The following ZNF24 variants were observed in gnomAD, a reference collection of about 807,000 sequenced individuals.
ZNF24 encodes retinoic acid suppression protein A.
Under a neutral mutation model 40.9 loss-of-function variants are expected in ZNF24, and 11 were observed. The ratio of observed to expected loss-of-function variants is 0.27; its 90% CI spans 0.17 to 0.45. The LOEUF is 0.45. ZNF24 is among the 20% of genes least tolerant of loss of function. The probability of loss-of-function intolerance (pLI) is 1.00; values close to 1 mark genes in which losing one functional copy is unlikely to be tolerated. For synonymous variants in ZNF24, 139 were observed against 154.7 expected (o/e 0.90, Z 0.75); for missense variants, 293 against 437.7 (o/e 0.67, Z 2.95).
At position 35,340,330 on chromosome 18, in the gene ZNF24, C is replaced by T. The variant is rs760192247; in HGVS notation, c.321G>A (p.Glu107=). 6.2e-7 allele frequency: 1 copy of T among 1,614,054 alleles called. No homozygotes were observed. Among genetic ancestry groups the T allele is most frequent in the Admixed American group, 1.7e-5 (1 of 60,008 alleles). The change falls in exon 2 of 4, where the codon GAG becomes GAA. Residue 107 remains glutamate (E), a synonymous_variant. Transcript: ENST00000261332. The surrounding 1 kb of genome is among the most constrained non-coding windows in gnomAD (Gnocchi z 4.6). ...LEQFVAILPK[E]LQTWVRDHHP... ...GATGATCTCGAACCCAAGTCTGTAG[C>T]TCTTTGGGTAGGATGGCAACAAACT...
chr18:35,342,373 T>C (rs2044977662), intron 1 of ZNF24: 1 of 152,006 alleles, frequency 6.6e-6, no homozygotes, highest in Non-Finnish European at 1.5e-5. Context: ...TGAAGAAAAA[T>C]GTTTTCTTAA....
intron 3 of ZNF24, 107 bp from the exon 4 acceptor site, chr18:35,337,877 A>C: frequency 9.9e-6 from 9 of 911,282 alleles, no homozygotes; most frequent in Non-Finnish European, 4.8e-6. Context: ...CACATCTATA[A>C]ACCACTCTGA....
intron 3 of ZNF24, 108 bp downstream of exon 3, chr18:35,339,716 GATATT>G: frequency 1.1e-6 from 1 of 929,924 alleles, no homozygotes. Flanking sequence ...AAAAAACTGA[GATATT>G]AGATTAAGAG....
intron 3 of ZNF24, chr18:35,339,222 GAATT>G (rs1371433434): frequency 5.6e-6 from 3 of 536,228 alleles, no homozygotes; most frequent in Non-Finnish European, 9.6e-6. Context: ...CTGGTCTCGT[GAATT>G]AATACAACTT....
intron 3 of ZNF24, 42 bp downstream of exon 3, chr18:35,339,787 C>G: frequency 6.5e-7 from 1 of 1,534,748 alleles, no homozygotes; most frequent in Non-Finnish European, 8.8e-7. Context: ...AAGGCCTATA[C>G]TCTCTTTCAC....
At chr18:35,341,014 T>G (rs987087730) in intron 1 of ZNF24, among the ~76,000 whole-genome samples, 4 of 152,202 alleles carry the variant, frequency 2.6e-5, no homozygotes, top group Admixed American at 2.6e-4. Context: ...GAATACCTAA[T>G]GATATTTAGG....
Position 35,337,748 on chromosome 18 carries a change from A to C in ZNF24, c.591T>G (p.Asn197Lys). Reference sequence around the variant, plus strand: ...GCTCCTGCTTTGGAGCTAGTGCTCCATTTTCAGTCCTACCATCATCATCTG... The same window carrying C: ...GCTCCTGCTTTGGAGCTAGTGCTCCCTTTTCAGTCCTACCATCATCATCTG... ...RHCDDDGRTE[N>K]GALAPKQELP... Residue 197 changes from asparagine (N) to lysine (K), a missense_variant, in exon 4 of 4, where the codon AAT (asparagine) becomes AAG (lysine). This residue lies in a region of ZNF24 where 234 missense variants were observed against 299.2 expected (regional missense o/e 0.78). Coordinates refer to ENST00000261332, the MANE Select transcript of ZNF24 (RefSeq NM_006965.4). 1.3e-6 allele frequency: 2 copies of C among 1,592,352 alleles called. No individual in the cohort carries two copies. Among genetic ancestry groups the C allele is most frequent in the Non-Finnish European group, 1.7e-6 (2 of 1,171,874 alleles).
chr18:35,343,169 G>A (rs2044984935), intron 1 of ZNF24, among the ~76,000 whole-genome samples: 1 of 152,156 alleles, frequency 6.6e-6, no homozygotes, highest in Non-Finnish European at 1.5e-5. Context: ...AAGATCATAT[G>A]TGAAAAACAT....
chr18:35,340,714 C>T lies in ZNF24; in HGVS notation c.-64G>A, dbSNP rs773694307. On this transcript the variant is annotated 5_prime_UTR_variant, in exon 2 of 4. Transcript: ENST00000261332. This position sits in a 1 kb window ranked among gnomAD's most constrained non-coding sequence, Gnocchi z 4.6. Reference sequence around the variant, plus strand: ...GAATATAAGCCTCAGGGCAATACCCCGTTTTCTTCACAGGCACTCCTGAGG... The same window carrying T: ...GAATATAAGCCTCAGGGCAATACCCTGTTTTCTTCACAGGCACTCCTGAGG... 352 of 1,477,798 alleles carry T rather than the reference C, an allele frequency of 2.4e-4. No homozygotes were observed. The highest frequency in any genetic ancestry group is 2.9e-4 in the Non-Finnish European group (319 of 1,096,676). 91.5% of individuals were successfully genotyped at this position (1,477,798 alleles called of 1,614,324 possible).
chr18:35,338,854 T>C, intron 3 of ZNF24: 27 of 1,340,128 alleles, frequency 2.0e-5, no homozygotes, highest in Non-Finnish European at 2.6e-5. Context: ...TGATGAGAAG[T>C]TGAAAATATC....
At chr18:35,338,454 G>A in intron 3 of ZNF24, 1 of 985,456 alleles carries the variant, frequency 1.0e-6, no homozygotes, top group Non-Finnish European at 1.2e-6. Flanking sequence ...AAGCCTCAGT[G>A]AAACGTGTCC....
In ZNF24 at chr18:35,334,058, C is replaced by A. The variant is rs1026133830; in HGVS notation, c.*3174G>T. ...CAAATAGTGCCTGTCACAGCAACCACAGGTGTCAGCTGTTAACACATTATT... is the reference window on the plus strand; with the variant it reads ...CAAATAGTGCCTGTCACAGCAACCAAAGGTGTCAGCTGTTAACACATTATT... On this transcript the variant is annotated 3_prime_UTR_variant, in exon 4 of 4. Transcript: ENST00000261332. 6.6e-6 allele frequency: 1 copy of A among 152,082 alleles called. No homozygotes were observed. The allele number at this position is 152,082 out of a possible 1,614,324, so 9.4% of individuals were successfully genotyped here.
intron 3 of ZNF24, chr18:35,338,835 A>C: frequency 7.4e-7 from 1 of 1,347,296 alleles, no homozygotes; most frequent in Non-Finnish European, 9.5e-7. Context: ...AGTCACTCTA[A>C]AATTCAGATG....
At chr18:35,342,532 C>G (rs1015422544) in intron 1 of ZNF24, 6 of 152,056 alleles carry the variant, frequency 3.9e-5, no homozygotes, top group African/African-American at 1.4e-4. Context: ...GTGCCCTGTA[C>G]AGGCATATCT....
In ZNF24 at chr18:35,334,861, T is replaced by C. The variant is rs908302001; in HGVS notation, c.*2371A>G. On this transcript the variant is annotated 3_prime_UTR_variant, in exon 4 of 4. Transcript: ENST00000261332. ...CTCTTCTTGTGTGCCACCATCCAGT[T>C]TTTTTTGGTCCAGTCCCTTTTTCCC... 6.6e-6 allele frequency: 1 copy of C among 152,236 alleles called. No individual in the cohort carries two copies. The highest frequency in any genetic ancestry group is 1.5e-5 in the Non-Finnish European group (1 of 68,086). 9.4% of individuals were successfully genotyped at this position (152,236 alleles called of 1,614,324 possible).
Position 35,335,005 on chromosome 18 carries a change from A to T in ZNF24, c.*2227T>A, listed in dbSNP as rs2044891997. 6.6e-6 allele frequency: 1 copy of T among 152,224 alleles called. No individual in the cohort carries two copies. Among genetic ancestry groups the T allele is most frequent in the Non-Finnish European group, 1.5e-5 (1 of 68,020 alleles). 9.4% of individuals were successfully genotyped at this position (152,224 alleles called of 1,614,324 possible). A position where few individuals can be genotyped will look rare whatever the true frequency, so the allele number is the denominator to read the frequency against. On this transcript the variant is annotated 3_prime_UTR_variant, in exon 4 of 4. Transcript: ENST00000261332. ...TTTTTCTACACTCACATTACCAAATATCTTTGGCATTTATGACAAATCTAC... is the reference window on the plus strand; with the variant it reads ...TTTTTCTACACTCACATTACCAAATTTCTTTGGCATTTATGACAAATCTAC...
Position 35,337,193 on chromosome 18 carries a change from A to G in ZNF24, c.*39T>C, listed in dbSNP as rs1221340125. ...AAATTTTGTCTTCATTTCTGAAGAA[A>G]AAGACCTGAGTGCTGATTCTTTTTT... On this transcript the variant is annotated 3_prime_UTR_variant, in exon 4 of 4. Transcript: ENST00000261332. 7.2e-7 allele frequency: 1 copy of G among 1,397,570 alleles called. No individual in the cohort carries two copies. Among genetic ancestry groups the G allele is most frequent in the East Asian group, 2.4e-5 (1 of 41,856 alleles). The allele number at this position is 1,397,570 out of a possible 1,614,324, so 86.6% of individuals were successfully genotyped here.
At chr18:35,338,938 G>A in intron 3 of ZNF24, 1 of 1,484,728 alleles carries the variant, frequency 6.7e-7, no homozygotes, top group South Asian at 1.3e-5. Context: ...ATGTAAAACT[G>A]CAGATTTTCA....
Position 35,340,158 on chromosome 18 carries a change from G to C in ZNF24, c.420+73C>G. On this transcript the variant is annotated intron_variant, in intron 2 of 3. Coordinates refer to ENST00000261332, the MANE Select transcript of ZNF24 (RefSeq NM_006965.4). This position sits in a 1 kb window ranked among gnomAD's most constrained non-coding sequence, Gnocchi z 4.6. ...AACATAATTCTAACTTAGTTGAGTG[G>C]AATTAATTCAGCAGCTTTGCCTACT... 2 of 1,546,696 alleles carry C rather than the reference G, an allele frequency of 1.3e-6. No individual in the cohort carries two copies. Among genetic ancestry groups the C allele is most frequent in the Non-Finnish European group, 1.8e-6 (2 of 1,138,286 alleles).
Sources: allele counts gnomAD v4.1 joint callset (sites outside exome capture counted in the v4.1 genomes callset), GRCh38; gene constraint gnomAD v4.1.1; regional missense constraint gnomAD v4.1.1; non-coding constraint Gnocchi (gnomAD v3.1); transcripts MANE v1.5; gene names NCBI Gene and HGNC (gene_info 2026-07-23, HGNC 2026-07-21).